ADAMTS17: variants seen among roughly 807,000 people sequenced by gnomAD.
ADAMTS17 encodes ADAM metallopeptidase with thrombospondin type 1 motif 17.
A neutral mutation model predicts 141.5 loss-of-function variants in ADAMTS17; 113 were observed. That is an observed-to-expected ratio of 0.80 (90% CI 0.69 to 0.93). ADAMTS17 has a LOEUF of 0.93. Ranked by LOEUF, ADAMTS17 falls within the 40% of genes least tolerant of loss-of-function variation. The probability of loss-of-function intolerance (pLI) is 0.00; values close to 1 mark genes in which losing one functional copy is unlikely to be tolerated. For synonymous variants in ADAMTS17, 768 were observed against 630.6 expected, an observed-to-expected ratio of 1.22 and a Z score of -3.27; for missense variants, 1,659 against 1,517.9, an observed-to-expected ratio of 1.09 and a Z score of -1.54.
chr15:100,324,903 C>T (rs149009408), intron 3 of ADAMTS17, among the ~76,000 whole-genome samples: 94 of 152,272 alleles, frequency 6.2e-4, no homozygotes, highest in African/African-American at 2.1e-3. Context: ...TACAAGGAAA[C>T]TGAAGCTCAG....
chr15:99,986,534 CCT>C (rs2060589829), intron 20 of ADAMTS17, among the ~76,000 whole-genome samples: 2 of 152,152 alleles, frequency 1.3e-5, no homozygotes, highest in Non-Finnish European at 1.5e-5. Context: ...TGCTCAGAGG[CCT>C]TGCAAGTCAG....
At chr15:100,208,497 T>A (rs1281330149) in intron 7 of ADAMTS17, among the ~76,000 whole-genome samples, 1 of 152,142 alleles carries the variant, frequency 6.6e-6, no homozygotes, top group African/African-American at 2.4e-5. Flanking sequence ...GTTTGCCTTA[T>A]AATAATTCAT....
chr15:100,076,580 G>A (rs2034394191), intron 15 of ADAMTS17, among the ~76,000 whole-genome samples: 1 of 152,188 alleles, frequency 6.6e-6, no homozygotes, highest in South Asian at 2.1e-4. Context: ...CTGACTGCTT[G>A]CAGTAGGTGT....
chr15:100,299,553 G>A (rs1204409005), intron 3 of ADAMTS17, among the ~76,000 whole-genome samples: 1 of 151,518 alleles, frequency 6.6e-6, no homozygotes, highest in African/African-American at 2.4e-5. Flanking sequence ...CACACAGCTT[G>A]GGGGAAGAAA....
At chr15:100,082,426 G>A (rs1367692561) in intron 15 of ADAMTS17, among the ~76,000 whole-genome samples, 1 of 151,460 alleles carries the variant, frequency 6.6e-6, no homozygotes, top group East Asian at 1.9e-4. Context: ...TGTTGCCCAG[G>A]ATGGAGTGCA....
intron 8 of ADAMTS17, among the ~76,000 whole-genome samples, chr15:100,160,200 C>T (rs928422198): frequency 2.0e-5 from 3 of 152,068 alleles, no homozygotes; most frequent in African/African-American, 4.8e-5. Context: ...TTCTCTAAAA[C>T]CTCTTTCCCT....
At chr15:100,183,044 G>C (rs7183852) in intron 8 of ADAMTS17, among the ~76,000 whole-genome samples, 1 of 151,670 alleles carries the variant, frequency 6.6e-6, no homozygotes, top group Admixed American at 6.6e-5. Context: ...GCTGGAGTGC[G>C]GTGGCACGAT....
intron 8 of ADAMTS17, among the ~76,000 whole-genome samples, chr15:100,176,590 G>A (rs2040346839): frequency 6.6e-6 from 1 of 152,116 alleles, no homozygotes; most frequent in Non-Finnish European, 1.5e-5. Context: ...TCAAAATCAG[G>A]ATTCTGACAT....
chr15:100,155,915 G>T lies in ADAMTS17; in HGVS notation c.1182-595C>A, dbSNP rs555012985. 7.9e-5 allele frequency among the ~76,000 whole-genome samples: 12 copies of T among 152,306 alleles called. No individual in the cohort carries two copies. The South Asian group carries it at 2.3e-3, about 29-fold the overall frequency. On this transcript the variant is annotated intron_variant, in intron 8 of 21. Coordinates refer to ENST00000268070, the MANE Select transcript of ADAMTS17 (RefSeq NM_139057.4). Reference sequence around the variant, plus strand: ...TGGAGGGCTCATCACACTGTGAGCTGAACAGTGATCTTAGCTTATACACTT... The same window carrying T: ...TGGAGGGCTCATCACACTGTGAGCTTAACAGTGATCTTAGCTTATACACTT...
intron 14 of ADAMTS17, among the ~76,000 whole-genome samples, chr15:100,105,893 T>C (rs1419888225): frequency 6.6e-6 from 1 of 152,140 alleles, no homozygotes; most frequent in Non-Finnish European, 1.5e-5. Flanking sequence ...TTTCACCATG[T>C]TAGCTGGGCT....
At chr15:100,259,817 G>A (rs1385693539) in intron 6 of ADAMTS17, among the ~76,000 whole-genome samples, 1 of 152,146 alleles carries the variant, frequency 6.6e-6, no homozygotes, top group African/African-American at 2.4e-5. Flanking sequence ...GCAATGGGTG[G>A]TGGCATTGTG....
intron 20 of ADAMTS17, among the ~76,000 whole-genome samples, chr15:99,992,190 T>A (rs1174803147): frequency 6.6e-6 from 1 of 151,354 alleles, no homozygotes; most frequent in African/African-American, 2.4e-5. Context: ...AAAAAAAAAA[T>A]GCTAGCCACT....
At chr15:99,976,261 G>C (rs779343320) in intron 20 of ADAMTS17, 39 bp from the exon 21 acceptor site, 15 of 1,537,344 alleles carry the variant, frequency 9.8e-6, no homozygotes, top group Non-Finnish European at 1.3e-5. Context: ...CTGACATGAG[G>C]TCAAGGGACT....
intron 4 of ADAMTS17, among the ~76,000 whole-genome samples, chr15:100,265,100 G>A (rs1271110385): frequency 6.6e-6 from 1 of 152,158 alleles, no homozygotes; most frequent in Admixed American, 6.5e-5. Context: ...ACGTCCAAGA[G>A]AGCAGGTACC....
intron 3 of ADAMTS17, among the ~76,000 whole-genome samples, chr15:100,312,281 C>T (rs112447741): frequency 5.9e-5 from 9 of 152,104 alleles, no homozygotes; most frequent in Admixed American, 2.6e-4. Context: ...GTCAGAGTGA[C>T]GCAGTGTGAA....
At position 100,143,839 on chromosome 15, in the gene ADAMTS17, A is replaced by G. The variant is rs138457122; in HGVS notation, c.1473+8773T>C. 2.1e-3 allele frequency among the ~76,000 whole-genome samples: 321 copies of G among 152,342 alleles called. 1 individual carries two copies. Among genetic ancestry groups the G allele is most frequent in the African/African-American group, 7.6e-3 (316 of 41,574 alleles). On this transcript the variant is annotated intron_variant, in intron 10 of 21. Coordinates refer to ENST00000268070, the MANE Select transcript of ADAMTS17 (RefSeq NM_139057.4). ...AAGCAATTGCAGAAATGCTCTTCCAAGGTTATTTACCCACACCTTTGAGTA... is the reference window on the plus strand; with the variant it reads ...AAGCAATTGCAGAAATGCTCTTCCAGGGTTATTTACCCACACCTTTGAGTA...
rs767098420 is a variant in ADAMTS17 at position 100,127,185 on chromosome 15, C to T, written c.1721+4822G>A. On this transcript the variant is annotated intron_variant, in intron 12 of 21. Transcript: ENST00000268070. ...CCTCGGCCTCAAAAGATAGTCCACT[C>T]GGAACCTGCAAATGAGACCTTATTT... Among the ~76,000 whole-genome samples, 4 of 152,120 alleles carry T rather than the reference C, an allele frequency of 2.6e-5. No homozygotes were observed. In the South Asian group the frequency reaches 6.2e-4, roughly 24 times the overall value.
At chr15:100,257,566 C>T (rs4246315) in intron 6 of ADAMTS17, among the ~76,000 whole-genome samples, 96,169 of 152,114 alleles carry the variant, frequency 0.63, 31,154 homozygotes, top group East Asian at 0.77. Context: ...CTATGCAAGA[C>T]GCCAAATGCA....
At position 100,048,877 on chromosome 15, in the gene ADAMTS17, G is replaced by A. The variant is rs2031919044; in HGVS notation, c.2571C>T (p.Asn857=). 2 of 1,614,100 alleles carry A rather than the reference G, an allele frequency of 1.2e-6. No homozygotes were observed. The highest frequency in any genetic ancestry group is 1.7e-6 in the Non-Finnish European group (2 of 1,180,052). ...CTTACCGTGACTGGCAGGGGTGCAA[G>A]TTGCACCTTCGGACCTGGGGCTCTG... The part of the protein sequence containing the change: ...SRPEPQVRRC[N]LHPCQSRWVA... Residue 857 remains asparagine (N), a synonymous_variant, in exon 18 of 22, where the codon AAC becomes AAT. Coordinates refer to ENST00000268070, the MANE Select transcript of ADAMTS17 (RefSeq NM_139057.4).
Sources: allele counts gnomAD v4.1 joint callset (sites outside exome capture counted in the v4.1 genomes callset), GRCh38; gene constraint gnomAD v4.1.1; transcripts MANE v1.5; gene names NCBI Gene and HGNC (gene_info 2026-07-23, HGNC 2026-07-21).